The following PKD1 variants were observed in gnomAD, a reference collection of about 807,000 sequenced individuals.
PKD1 encodes polycystin 1, transient receptor potential channel interacting, also known as polycystin-1.
Under a neutral mutation model 361.7 loss-of-function variants are expected in PKD1, and 81 were observed. The observed-to-expected ratio is 0.22, with a 90% CI of 0.19 to 0.27. PKD1 has a LOEUF of 0.27. Ranked by LOEUF, PKD1 falls within the 10% of genes least tolerant of loss-of-function variation. The pLI is 1.00. For synonymous variants in PKD1, 3,615 were observed against 2,818.3 expected (o/e 1.28, Z -8.95); for missense variants, 6,399 against 6,118.3 (o/e 1.05, Z -1.53).
At chr16:2,091,692 C>G in intron 41 of PKD1, 89 bp downstream of exon 41, 1 of 1,571,902 alleles carries the variant, frequency 6.4e-7, no homozygotes, top group Admixed American at 1.8e-5. Flanking sequence ...GTGGAAGCCG[C>G]CTAGGCCAGC....
In PKD1 at chr16:2,089,707, A is replaced by G. The variant is rs1195749154; in HGVS notation, c.*20T>C. 1.9e-6 allele frequency: 3 copies of G among 1,561,874 alleles called. No individual in the cohort carries two copies. Among genetic ancestry groups the G allele is most frequent in the Non-Finnish European group, 2.6e-6 (3 of 1,154,412 alleles). ...GGTGTCCACTCCGACTCCACGGCCCACCCCCGCCAGGAAGGAGGACTAAGT... is the reference window on the plus strand; with the variant it reads ...GGTGTCCACTCCGACTCCACGGCCCGCCCCCGCCAGGAAGGAGGACTAAGT... On this transcript the variant is annotated 3_prime_UTR_variant, in exon 46 of 46. Transcript: ENST00000262304.
chr16:2,117,192 C>T, intron 6 of PKD1, 139 bp from the exon 7 acceptor site: 1 of 644,658 alleles, frequency 1.6e-6, no homozygotes, highest in Non-Finnish European at 2.7e-6. Flanking sequence ...GACCAGGGCC[C>T]ACCAGCCCAG....
chr16:2,097,691 C>T (rs767443415), intron 32 of PKD1, 37 bp downstream of exon 32: 18 of 1,610,790 alleles, frequency 1.1e-5, no homozygotes, highest in Admixed American at 1.7e-5. Flanking sequence ...GACACAGTGA[C>T]CTGCACCAGG....
At chr16:2,122,335 C>G (rs1241584942) in intron 1 of PKD1, among the ~76,000 whole-genome samples, 1 of 152,216 alleles carries the variant, frequency 6.6e-6, no homozygotes, top group Non-Finnish European at 1.5e-5. Flanking sequence ...AGAGCCTATG[C>G]CTGTGCCCTG....
chr16:2,092,013 TGGCGTAGACGCCCG>T lies in PKD1; in HGVS notation c.11411+20_11411+33del, dbSNP rs770815472. On this transcript the variant is annotated intron_variant, in intron 40 of 45. Coordinates refer to ENST00000262304, the MANE Select transcript of PKD1 (RefSeq NM_001009944.3). ...TCCTGGAGAACTACTCCCTTGTCCTTGGCGTAGACGCCCGGGGCCCTCGCTCTGCTCACCCCAGC... is the reference window on the plus strand; with the variant it reads ...TCCTGGAGAACTACTCCCTTGTCCTTGGGCCCTCGCTCTGCTCACCCCAGC... 3.3e-5 allele frequency: 54 copies of T among 1,612,514 alleles called. No homozygotes were observed. The Admixed American group carries it at 4.7e-4, about 14-fold the overall frequency.
In PKD1 at chr16:2,089,826, G is replaced by A. The variant is rs749259925; in HGVS notation, c.12813C>T (p.Pro4271=). ...CCCGACTGGCCCGGGCAAGGCGGCT[G>A]GGCAGTGCTGGCCGCAGGCCCGGGG... ...GPSPGLRPAL[P]SRLARASRGV... is the part of the protein sequence containing the mutation. The change falls in exon 46 of 46, where the codon CCC becomes CCT. Residue 4271 remains proline (P), a synonymous_variant. Coordinates refer to ENST00000262304, the MANE Select transcript of PKD1 (RefSeq NM_001009944.3). 15 of 1,603,366 alleles carry A rather than the reference G, an allele frequency of 9.4e-6. No individual in the cohort carries two copies. The highest frequency in any genetic ancestry group is 1.3e-5 in the Non-Finnish European group (15 of 1,175,804).
At chr16:2,092,344 C>T (rs2091632422) in intron 39 of PKD1, 136 bp downstream of exon 39, 8 of 996,368 alleles carry the variant, frequency 8.0e-6, no homozygotes, top group Admixed American at 6.3e-5. Flanking sequence ...CTCTCATATA[C>T]AGAGAAGGAA....
At position 2,105,575 on chromosome 16, in the gene PKD1, G is replaced by A. The variant is rs749762150; in HGVS notation, c.7864-101C>T. ...CCCGGGGTGCAGTTACGTGCTAGAC[G>A]CTGTGTGATGCGGGCACTGACCCAC... On this transcript the variant is annotated intron_variant, in intron 20 of 45. Transcript: ENST00000262304. 4.0e-5 allele frequency: 64 copies of A among 1,592,994 alleles called. 2 individuals carry two copies. The highest frequency in any genetic ancestry group is 2.3e-4 in the Middle Eastern group (1 of 4,420).
At chr16:2,117,294 G>C (rs2092653987) in intron 6 of PKD1, among the ~76,000 whole-genome samples, 195 bp downstream of exon 6, 1 of 152,198 alleles carries the variant, frequency 6.6e-6, no homozygotes, top group East Asian at 1.9e-4. Context: ...GGAGTGTCCG[G>C]AGGCTGCCCC....
chr16:2,088,873 G>GCA lies in PKD1; in HGVS notation c.*853_*854insTG, dbSNP rs1491271779. 12 of 476,646 alleles carry GCA rather than the reference G, an allele frequency of 2.5e-5. No homozygotes were observed. The highest frequency in any genetic ancestry group is 7.4e-5 in the Admixed American group (2 of 26,942). The allele number at this position is 476,646 out of a possible 1,614,324, so 29.5% of individuals were successfully genotyped here. ...TGGGCCATACAGCACACTCGCGCGT[G>GCA]CGCGCGCGCACACACACACACACAC... On this transcript the variant is annotated 3_prime_UTR_variant, in exon 46 of 46. Transcript: ENST00000262304.
rs1456021808 is a variant in PKD1, at chr16:2,115,429, T to C, written c.2046A>G (p.Leu682=). The C allele has an allele frequency of 6.3e-7, 1 of 1,587,786 alleles. No homozygotes were observed. The highest frequency in any genetic ancestry group is 8.6e-7 in the Non-Finnish European group (1 of 1,168,068). Residue 682 remains leucine (L), a synonymous_variant, in exon 10 of 46, where the codon CTA becomes CTG. Transcript: ENST00000262304. ...GPGLPGAPYA[L]WREFLFSVPA... is the part of the protein sequence containing the mutation. ...GAACGGAGAAGAGGAACTCTCTCCA[T>C]AGCGCATAGGGGGCCCCGGGTAGCC... is the stretch of plus-strand genomic sequence containing the variant.
chr16:2,119,492 G>C (rs1278667940), intron 1 of PKD1, 114 bp from the exon 2 acceptor site: 1 of 705,036 alleles, frequency 1.4e-6, no homozygotes. Flanking sequence ...CCACCCTTGA[G>C]CTCCCCACTC....
Position 2,103,507 on chromosome 16 carries a change from C to T in PKD1, c.8550G>A (p.Ser2850=), listed in dbSNP as rs145648167. 2.0e-4 allele frequency: 323 copies of T among 1,604,872 alleles called. 1 individual carries two copies. In the Middle Eastern group the frequency reaches 3.6e-3, roughly 18 times the overall value. Residue 2850 remains serine (S), a synonymous_variant, in exon 23 of 46, where the codon TCG becomes TCA. Transcript: ENST00000262304. The stretch of plus-strand genomic sequence containing the variant: ...CGCCGGCCTGTGTCTGGAATGCCAT[C>T]GAGGCCACCTTGGTGGAGACGGTGT... ...SNYTVSTKVA[S]MAFQTQAGAQ...
At position 2,088,881 on chromosome 16, in the gene PKD1, G is replaced by GCGCGCACACACACACACACACACACA. The variant is rs142285430; in HGVS notation, c.*845_*846insTGTGTGTGTGTGTGTGTGTGTGCGCG. 25 of 421,480 alleles carry GCGCGCACACACACACACACACACACA rather than the reference G, an allele frequency of 5.9e-5. No individual in the cohort carries two copies. Among genetic ancestry groups the GCGCGCACACACACACACACACACACA allele is most frequent in the Middle Eastern group, 7.2e-4 (1 of 1,380 alleles). 26.1% of individuals were successfully genotyped at this position (421,480 alleles called of 1,614,324 possible). The stretch of plus-strand genomic sequence containing the variant: ...ACAGCACACTCGCGCGTGCGCGCGC[G>GCGCGCACACACACACACACACACACA]CACACACACACACACACAGTCACCT... On this transcript the variant is annotated 3_prime_UTR_variant, in exon 46 of 46. Transcript: ENST00000262304.
rs2091707606 is a variant in PKD1 at position 2,093,638 on chromosome 16, G to A, written c.10922C>T (p.Ala3641Val). 2 of 1,609,390 alleles carry A rather than the reference G, an allele frequency of 1.2e-6. No homozygotes were observed. Among genetic ancestry groups the A allele is most frequent in the Non-Finnish European group, 1.7e-6 (2 of 1,178,328 alleles). Residue 3641 changes from alanine (A) to valine (V), a missense_variant, in exon 37 of 46, where the codon GCA becomes GTA. Coordinates refer to ENST00000262304, the MANE Select transcript of PKD1 (RefSeq NM_001009944.3). Reference protein sequence around the residue: ...VESPAVTPVSARVPRVRPPHG... With the variant: ...VESPAVTPVSVRVPRVRPPHG... ...GGGTGGCCGTACGCGGGGCACACGT[G>A]CGCTCACAGGCGTCACAGCCGGGCT...
rs780284643 is a variant in PKD1, at chr16:2,102,134, G to T, written c.9324C>A (p.Ala3108=). 2.5e-6 allele frequency: 4 copies of T among 1,569,524 alleles called. No individual in the cohort carries two copies. Among genetic ancestry groups the T allele is most frequent in the South Asian group, 2.2e-5 (2 of 90,106 alleles). The change falls in exon 26 of 46, where the codon GCC becomes GCA. Residue 3108 remains alanine (A), a synonymous_variant. Transcript: ENST00000262304. The part of the protein sequence containing the change: ...LDQLDASRGR[A]IPFCGQRGRF... ...GGCCCCGCTGCCCACAGAAAGGGAT[G>T]GCGCGGCCCCGGCTGGCATCCAACT...
intron 36 of PKD1, 29 bp downstream of exon 36, chr16:2,093,782 C>G (rs952525711): frequency 9.6e-6 from 15 of 1,556,986 alleles, no homozygotes; most frequent in Non-Finnish European, 1.3e-5. Flanking sequence ...TGATGGAGGC[C>G]TGTAGCCTAC....
At position 2,107,937 on chromosome 16, in the gene PKD1, G is replaced by A. The variant is rs768386929; in HGVS notation, c.7011C>T (p.Thr2337=). ...CGGCCTTCCACACGGTCAGGCTGAA[G>A]GTGTACTCCACGCCAGCCGCCAGCC... ...RERLAAGVEY[T]FSLTVWKAGR... The change falls in exon 16 of 46, where the codon ACC becomes ACT. Residue 2337 remains threonine (T), a synonymous_variant. Coordinates refer to ENST00000262304, the MANE Select transcript of PKD1 (RefSeq NM_001009944.3). 1.4e-5 allele frequency: 22 copies of A among 1,546,400 alleles called. No homozygotes were observed. In the Middle Eastern group the frequency reaches 6.8e-4, roughly 48 times the overall value.
intron 39 of PKD1, 51 bp from the exon 40 acceptor site, chr16:2,092,239 C>T (rs2091625937): frequency 3.9e-6 from 6 of 1,538,588 alleles, no homozygotes; most frequent in Non-Finnish European, 5.3e-6. Flanking sequence ...CAAAACCCAA[C>T]AGGAGTGTTT....
Sources: gnomAD v4.1 joint callset for allele counts (sites outside exome capture counted in the v4.1 genomes callset) on GRCh38, gnomAD v4.1.1 for gene constraint, MANE v1.5 for transcripts, NCBI Gene and HGNC (gene_info 2026-07-23, HGNC 2026-07-21) for gene names.